Variants in NBAS observed in about 807,000 individuals in gnomAD.
NBAS encodes the protein NAG/BC035112 fusion.
NBAS carries 219 observed loss-of-function variants against 302.5 expected under a neutral mutation model. That is an observed-to-expected ratio of 0.72 (90% CI 0.65 to 0.81). NBAS has a LOEUF of 0.81. Among genes scored for constraint, NBAS ranks in the 30% least tolerant of loss-of-function variants. The pLI is 0.00. For missense variants in NBAS, 2,932 were observed against 2,841.6 expected (o/e 1.03, Z -0.72); for synonymous variants, 1,118 against 1,021.6 (o/e 1.09, Z -1.80).
intron 12 of NBAS, among the ~76,000 whole-genome samples, chr2:15,488,538 C>A (rs1002743371): frequency 6.6e-6 from 1 of 152,086 alleles, no homozygotes; most frequent in Non-Finnish European, 1.5e-5. Flanking sequence ...AGAATTGTAA[C>A]CCTTTTAGGA....
intron 48 of NBAS, among the ~76,000 whole-genome samples, chr2:15,193,973 T>C (rs1316125533): frequency 1.3e-5 from 2 of 151,728 alleles, no homozygotes; most frequent in Non-Finnish European, 1.5e-5. Flanking sequence ...AAGAACATGG[T>C]ATTCAGATAT....
intron 35 of NBAS, among the ~76,000 whole-genome samples, chr2:15,341,243 G>A (rs1374364007): frequency 2.6e-5 from 4 of 151,956 alleles, no homozygotes; most frequent in African/African-American, 4.8e-5. Context: ...AAAATTAACC[G>A]GGTATGGTGG....
intron 48 of NBAS, among the ~76,000 whole-genome samples, chr2:15,203,229 T>C (rs1665966125): frequency 6.6e-6 from 1 of 152,220 alleles, no homozygotes; most frequent in South Asian, 2.1e-4. Context: ...CATAGTTATA[T>C]ATCATTCTGT....
the NBAS span, among the ~76,000 whole-genome samples, chr2:14,959,180 C>T: frequency 6.6e-6 from 1 of 152,158 alleles, no homozygotes; most frequent in Admixed American, 6.5e-5. Flanking sequence ...TGAAACTGTT[C>T]CCTCATCTGC....
chr2:15,070,654 G>A, the NBAS span, among the ~76,000 whole-genome samples: 4 of 152,108 alleles, frequency 2.6e-5, no homozygotes, highest in Non-Finnish European at 4.4e-5. Flanking sequence ...ACACTAGGGG[G>A]CCTATTCCCT....
rs1572709987 is a variant in NBAS, at chr2:15,356,163, T to TA, written c.3931+139dup. ...CATATAAGTACACAGCCTATATACT[T>TA]ACCAGTGCTCATAAAATGTATCTCA... On this transcript the variant is annotated intron_variant, in intron 33 of 51. Transcript: ENST00000281513. 8.3e-6 allele frequency: 6 copies of TA among 718,776 alleles called. No individual in the cohort carries two copies. The East Asian group carries it at 1.6e-4, about 19-fold the overall frequency. The allele number at this position is 718,776 out of a possible 1,614,324, so 44.5% of individuals were successfully genotyped here.
rs1056772593 is a variant in NBAS, at chr2:15,407,778, G to A, written c.2938-5477C>T. On this transcript the variant is annotated intron_variant, in intron 25 of 51. Transcript: ENST00000281513. Reference sequence around the variant, plus strand: ...CTATGCTGCCATAATAAATTACCACGAACTTGGTGACCTAACACAAATTTA... The same window carrying A: ...CTATGCTGCCATAATAAATTACCACAAACTTGGTGACCTAACACAAATTTA... Among the ~76,000 whole-genome samples, 24 of 152,038 alleles carry A rather than the reference G, an allele frequency of 1.6e-4. 1 individual carries two copies. The highest frequency in any genetic ancestry group is 7.9e-4 in the Admixed American group (12 of 15,258).
chr2:14,800,702 C>G, the NBAS span, among the ~76,000 whole-genome samples: 1 of 151,060 alleles, frequency 6.6e-6, no homozygotes, highest in African/African-American at 2.4e-5. Flanking sequence ...TTTTCATATG[C>G]TTTGCTTCTA....
intron 21 of NBAS, among the ~76,000 whole-genome samples, chr2:15,435,770 T>C (rs775995300): frequency 6.6e-6 from 1 of 152,212 alleles, no homozygotes; most frequent in Non-Finnish European, 1.5e-5. Context: ...TGGACAACCA[T>C]GTGGCATTTA....
At chr2:14,890,942 A>G in the NBAS span, 1 of 152,316 alleles carries the variant, frequency 6.6e-6, no homozygotes, top group Non-Finnish European at 1.5e-5. Flanking sequence ...ACCCATTGGT[A>G]AATAAAAAGA....
chr2:15,186,709 C>A (rs1174498102), intron 50 of NBAS, 33 bp downstream of exon 50: 1 of 1,613,560 alleles, frequency 6.2e-7, no homozygotes, highest in Non-Finnish European at 8.5e-7. Flanking sequence ...GCAAAGGCCA[C>A]TCCTTAGGAA....
At chr2:14,781,683 TC>T in the NBAS span, among the ~76,000 whole-genome samples, 1 of 150,714 alleles carries the variant, frequency 6.6e-6, no homozygotes, top group Non-Finnish European at 1.5e-5. Context: ...CCCTGAGACC[TC>T]CCTGAGAGTA....
At chr2:15,005,894 T>C in the NBAS span, among the ~76,000 whole-genome samples, 3 of 152,194 alleles carry the variant, frequency 2.0e-5, no homozygotes, top group African/African-American at 7.2e-5. Flanking sequence ...CTTTGAAATA[T>C]TTGAGTGAGC....
chr2:15,339,865 G>GC (rs1672765765), intron 35 of NBAS, among the ~76,000 whole-genome samples: 1 of 151,490 alleles, frequency 6.6e-6, no homozygotes, highest in Non-Finnish European at 1.5e-5. Flanking sequence ...GTAAAATACA[G>GC]CAAGTAGAAG....
At chr2:15,150,451 G>T in the NBAS span, among the ~76,000 whole-genome samples, 4 of 152,138 alleles carry the variant, frequency 2.6e-5, no homozygotes, top group African/African-American at 9.7e-5. Flanking sequence ...GATTACCTAT[G>T]ATAGCCTATT....
At position 15,364,830 on chromosome 2, in the gene NBAS, A is replaced by G. The variant is rs144857450; in HGVS notation, c.3817+1750T>C. Among the ~76,000 whole-genome samples the G allele has an allele frequency of 1.2e-3, 185 of 152,154 alleles. 1 individual carries two copies. Among genetic ancestry groups the G allele is most frequent in the Middle Eastern group, 6.8e-3 (2 of 294 alleles). On this transcript the variant is annotated intron_variant, in intron 32 of 51. Coordinates refer to ENST00000281513, the MANE Select transcript of NBAS (RefSeq NM_015909.4). ...ATGATGACCTGCTTAGCTGAGCCCA[A>G]TCTCCAGAAGAGATTGGGAAAATCT...
intron 35 of NBAS, among the ~76,000 whole-genome samples, chr2:15,338,682 C>T (rs1023394484): frequency 9.6e-5 from 14 of 145,882 alleles, no homozygotes; most frequent in African/African-American, 3.6e-4. Flanking sequence ...CATACACACA[C>T]ACACACACAC....
the NBAS span, among the ~76,000 whole-genome samples, chr2:15,078,822 C>A: frequency 1.3e-5 from 2 of 152,188 alleles, no homozygotes; most frequent in East Asian, 3.9e-4. Flanking sequence ...GGATGTATTT[C>A]TTTCTGGTCT....
intron 35 of NBAS, among the ~76,000 whole-genome samples, chr2:15,341,554 A>G (rs1672853839): frequency 6.6e-6 from 1 of 152,150 alleles, no homozygotes; most frequent in African/African-American, 2.4e-5. Flanking sequence ...CAATAACAAT[A>G]GATAAAAAAC....
Sources: gnomAD v4.1 joint callset for allele counts (sites outside exome capture counted in the v4.1 genomes callset) on GRCh38, gnomAD v4.1.1 for gene constraint, MANE v1.5 for transcripts, NCBI Gene and HGNC (gene_info 2026-07-23, HGNC 2026-07-21) for gene names.